CNTLN: variants seen among roughly 807,000 people sequenced by gnomAD.
CNTLN encodes the protein centlein, centrosomal protein.
CNTLN carries 212 observed loss-of-function variants against 180.0 expected under a neutral mutation model. The observed-to-expected ratio is 1.18, with a 90% CI of 1.05 to 1.32. CNTLN has a LOEUF of 1.32. Ranked by LOEUF, CNTLN falls within the 40% of genes most tolerant of loss-of-function variation. CNTLN has a pLI of 0.00. For missense variants in CNTLN, 2,095 were observed against 1,610.9 expected, an observed-to-expected ratio of 1.30 and a Z score of -5.14; for synonymous variants, 722 against 563.1, an observed-to-expected ratio of 1.28 and a Z score of -3.99.
chr9:17,198,914 A>G (rs1432969094), intron 2 of CNTLN, among the ~76,000 whole-genome samples: 1 of 151,960 alleles, frequency 6.6e-6, no homozygotes, highest in Non-Finnish European at 1.5e-5. Context: ...CACATTTTCT[A>G]TATCCAGTGT....
chr9:17,455,346 A>G (rs927742221), intron 18 of CNTLN, among the ~76,000 whole-genome samples: 5 of 152,232 alleles, frequency 3.3e-5, no homozygotes, highest in Admixed American at 6.5e-5. Context: ...ATTTTAATAA[A>G]GTACAAGTCA....
chr9:17,207,868 A>C (rs770921429), intron 2 of CNTLN, among the ~76,000 whole-genome samples: 7 of 151,934 alleles, frequency 4.6e-5, no homozygotes, highest in Non-Finnish European at 1.0e-4. Flanking sequence ...TTTCTTGTGG[A>C]GTCTTTAGGT....
intron 7 of CNTLN, chr9:17,300,845 G>C (rs1818294184): frequency 1.0e-5 from 3 of 295,970 alleles, no homozygotes; most frequent in Non-Finnish European, 5.0e-6. Flanking sequence ...GAACATAACA[G>C]GTATTTAACC....
rs192070536 is a variant in CNTLN, at chr9:17,180,231, T to G, written c.449+36855T>G. Among the ~76,000 whole-genome samples the G allele has an allele frequency of 2.4e-3, 361 of 149,772 alleles. 6 individuals carry two copies. The highest frequency in any genetic ancestry group is 8.4e-3 in the African/African-American group (347 of 41,232). The stretch of plus-strand genomic sequence containing the variant: ...TTTTTCTGTTTGCTATCTCTGTTTT[T>G]TTTTTTTTCCTGCCTTCCTGTTGGC... On this transcript the variant is annotated intron_variant, in intron 2 of 25. Transcript: ENST00000380647.
At chr9:17,300,798 A>T (rs141218677) in intron 7 of CNTLN, 3 of 181,636 alleles carry the variant, frequency 1.7e-5, no homozygotes, top group African/African-American at 7.2e-5. Flanking sequence ...TTCTTTTCTT[A>T]TTCACTCCAG....
At chr9:17,271,460 G>T (rs973887263) in intron 5 of CNTLN, among the ~76,000 whole-genome samples, 7 of 148,252 alleles carry the variant, frequency 4.7e-5, no homozygotes, top group African/African-American at 1.7e-4. Flanking sequence ...ACTTATTCTG[G>T]ATTCCATTCT....
At chr9:17,238,850 G>A (rs1356447583) in intron 5 of CNTLN, among the ~76,000 whole-genome samples, 1 of 151,930 alleles carries the variant, frequency 6.6e-6, no homozygotes, top group Non-Finnish European at 1.5e-5. Flanking sequence ...TGAGATTATT[G>A]GGTCATATGG....
rs1378150348 is a variant in CNTLN at position 17,388,242 on chromosome 9, A to G, written c.2068A>G (p.Thr690Ala). ...EKNGKEMLEQ[T>A]LQKVTELENR... is the part of the protein sequence containing the mutation. ...GAATGGAAAAGAAATGTTGGAGCAG[A>G]CATTACAGAAGGTAGTCTAATCTTT... Residue 690 changes from threonine (T) to alanine (A), a missense_variant, in exon 14 of 26, where the codon ACA (threonine) becomes GCA (alanine). Transcript: ENST00000380647. 2 of 1,608,246 alleles carry G rather than the reference A, an allele frequency of 1.2e-6. No homozygotes were observed. The highest frequency in any genetic ancestry group is 2.2e-5 in the South Asian group (2 of 90,830).
intron 5 of CNTLN, among the ~76,000 whole-genome samples, chr9:17,249,542 T>G (rs12236820): frequency 0.46 from 69,484 of 151,292 alleles, 16,904 homozygotes; most frequent in South Asian, 0.66. Flanking sequence ...GTAGAGACAG[T>G]GTTTCACCAT....
At chr9:17,217,537 C>T (rs1181756089) in intron 2 of CNTLN, among the ~76,000 whole-genome samples, 1 of 152,240 alleles carries the variant, frequency 6.6e-6, no homozygotes, top group Non-Finnish European at 1.5e-5. Context: ...CTTTATTCAG[C>T]ACAGGCAGGC....
chr9:17,168,074 A>T (rs1820198784), intron 2 of CNTLN: 1 of 152,212 alleles, frequency 6.6e-6, no homozygotes, highest in Admixed American at 6.5e-5. Flanking sequence ...ACACATTATA[A>T]AATGTATATA....
At chr9:17,163,999 A>G (rs1200688208) in intron 2 of CNTLN, among the ~76,000 whole-genome samples, 28 of 139,012 alleles carry the variant, frequency 2.0e-4, no homozygotes, top group South Asian at 2.4e-4. Context: ...AGCCTGGGCA[A>G]CAGAGCAAGA....
intron 18 of CNTLN, among the ~76,000 whole-genome samples, chr9:17,435,135 C>T (rs538867258): frequency 1.3e-5 from 2 of 152,266 alleles, no homozygotes; most frequent in African/African-American, 4.8e-5. Context: ...TTTAAATAAT[C>T]AATTACTCTT....
rs1554698188 is a variant in CNTLN, at chr9:17,356,077, A to AAAAG, written c.1887-10537_1887-10536insGAAA. Among the ~76,000 whole-genome samples, 26 of 64,158 alleles carry AAAAG rather than the reference A, an allele frequency of 4.1e-4. 1 individual carries two copies. Among genetic ancestry groups the AAAAG allele is most frequent in the African/African-American group, 7.6e-4 (12 of 15,776 alleles). The allele number at this position is 64,158 out of a possible 152,430, so 42.1% of individuals were successfully genotyped here. A position where few individuals can be genotyped will look rare whatever the true frequency, so the allele number is the denominator to read the frequency against. Reference sequence around the variant, plus strand: ...AGACTCCATCTCAAAAAAAAAAAAAAAAAAGAAAAAGGAAATCAGTCCAAC... The same window carrying AAAAG: ...AGACTCCATCTCAAAAAAAAAAAAAAAAAGAAAAGAAAAAGGAAATCAGTCCAAC... On this transcript the variant is annotated intron_variant, in intron 12 of 25. Transcript: ENST00000380647.
intron 5 of CNTLN, among the ~76,000 whole-genome samples, chr9:17,241,317 C>T (rs1057069708): frequency 6.6e-6 from 1 of 152,176 alleles, no homozygotes; most frequent in Admixed American, 6.5e-5. Flanking sequence ...AAGACACTGT[C>T]TTCCCAAAGG....
intron 3 of CNTLN, among the ~76,000 whole-genome samples, chr9:17,226,907 A>C (rs1824505096): frequency 6.6e-6 from 1 of 151,434 alleles, no homozygotes; most frequent in African/African-American, 2.4e-5. Flanking sequence ...GGTGCCACAG[A>C]CTTTTTTTTA....
At chr9:17,527,182 C>A in the CNTLN span, among the ~76,000 whole-genome samples, 3 of 152,098 alleles carry the variant, frequency 2.0e-5, no homozygotes, top group Non-Finnish European at 2.9e-5. Flanking sequence ...CGTGCCCGGC[C>A]ACCTAACTTC....
chr9:17,341,716 T>G lies in CNTLN; in HGVS notation c.1767-609T>G, dbSNP rs546713810. Among the ~76,000 whole-genome samples, 3 of 152,312 alleles carry G rather than the reference T, an allele frequency of 2.0e-5. No homozygotes were observed. In the South Asian group the frequency reaches 6.2e-4, roughly 32 times the overall value. ...ATAAAAATGAAGAATTTGTTTTATGTTCAGAAAATGAAAATGTAAAGGGCA... is the reference window on the plus strand; with the variant it reads ...ATAAAAATGAAGAATTTGTTTTATGGTCAGAAAATGAAAATGTAAAGGGCA... On this transcript the variant is annotated intron_variant, in intron 11 of 25. Coordinates refer to ENST00000380647, the MANE Select transcript of CNTLN (RefSeq NM_017738.4).
chr9:17,452,825 G>A (rs1196618959), intron 18 of CNTLN, among the ~76,000 whole-genome samples: 1 of 152,106 alleles, frequency 6.6e-6, no homozygotes, highest in East Asian at 1.9e-4. Flanking sequence ...AGGGAAAATA[G>A]GCCAGGGGTG....
Sources: gnomAD v4.1 joint callset for allele counts (sites outside exome capture counted in the v4.1 genomes callset) on GRCh38, gnomAD v4.1.1 for gene constraint, MANE v1.5 for transcripts, NCBI Gene and HGNC (gene_info 2026-07-23, HGNC 2026-07-21) for gene names.